KIF16B: variants seen among roughly 807,000 people sequenced by gnomAD.
KIF16B encodes the protein kinesin-like protein KIF16B.
KIF16B carries 98 observed loss-of-function variants against 156.3 expected under a neutral mutation model. That is an observed-to-expected ratio of 0.63 (90% CI 0.53 to 0.74). The LOEUF is 0.74. Ranked by LOEUF, KIF16B falls within the 30% of genes least tolerant of loss-of-function variation. The pLI, the probability that KIF16B is intolerant of heterozygous loss-of-function variation, is 0.00. For missense variants in KIF16B, 1,421 were observed against 1,606.5 expected (o/e 0.88, Z 1.97); for synonymous variants, 564 against 583.7 (o/e 0.97, Z 0.49).
At chr20:16,352,735 C>T (rs1042509755) in intron 23 of KIF16B, among the ~76,000 whole-genome samples, 5 of 152,206 alleles carry the variant, frequency 3.3e-5, no homozygotes, top group Non-Finnish European at 7.3e-5. Flanking sequence ...GGAAGCAGAG[C>T]GGGTGAGGAG....
chr20:16,288,072 G>A (rs1348925646), intron 25 of KIF16B, among the ~76,000 whole-genome samples: 1 of 152,182 alleles, frequency 6.6e-6, no homozygotes, highest in African/African-American at 2.4e-5. Context: ...CAATATAGAT[G>A]CCATTAGGAC....
At chr20:16,322,752 T>C (rs1002946057) in intron 24 of KIF16B, among the ~76,000 whole-genome samples, 1 of 152,028 alleles carries the variant, frequency 6.6e-6, no homozygotes, top group Non-Finnish European at 1.5e-5. Flanking sequence ...GGTCAGCCAG[T>C]CTGCTGCCAT....
intron 12 of KIF16B, among the ~76,000 whole-genome samples, chr20:16,454,593 C>CTT (rs2067167464): frequency 1.3e-5 from 2 of 151,928 alleles, no homozygotes; most frequent in Admixed American, 1.3e-4. Context: ...GCATCAGTAA[C>CTT]ATTGTAACTA....
At chr20:16,499,208 A>C (rs1600551359) in intron 10 of KIF16B, among the ~76,000 whole-genome samples, 1 of 152,192 alleles carries the variant, frequency 6.6e-6, no homozygotes, top group Admixed American at 6.5e-5. Context: ...AAAAATGCCA[A>C]AGGCACATCC....
chr20:16,491,242 G>A (rs2068280738), intron 12 of KIF16B, among the ~76,000 whole-genome samples: 1 of 152,180 alleles, frequency 6.6e-6, no homozygotes, highest in Non-Finnish European at 1.5e-5. Context: ...CCAACCAGCA[G>A]CAGGGCCTCT....
At chr20:16,347,245 T>C (rs1179660888) in intron 23 of KIF16B, among the ~76,000 whole-genome samples, 1 of 152,196 alleles carries the variant, frequency 6.6e-6, no homozygotes, top group Non-Finnish European at 1.5e-5. Context: ...GGGTAGCAAC[T>C]GCAAAAGGGA....
At chr20:16,315,701 G>T (rs2063687663) in intron 24 of KIF16B, among the ~76,000 whole-genome samples, 1 of 152,104 alleles carries the variant, frequency 6.6e-6, no homozygotes, top group Non-Finnish European at 1.5e-5. Context: ...CTCCCCAGAA[G>T]TCCATTCCAG....
intron 12 of KIF16B, among the ~76,000 whole-genome samples, chr20:16,460,247 G>GGAT (rs1256562205): frequency 6.6e-6 from 1 of 152,146 alleles, no homozygotes; most frequent in Non-Finnish European, 1.5e-5. Flanking sequence ...TTGAGAATTT[G>GGAT]GATGAAAAAT....
chr20:16,475,561 C>T (rs75887493), intron 12 of KIF16B, among the ~76,000 whole-genome samples: 3,593 of 152,238 alleles, frequency 0.024, 98 homozygotes, highest in South Asian at 0.081. Context: ...ACAGATCAGC[C>T]GGGAACCAAC....
intron 22 of KIF16B, chr20:16,368,123 A>C: frequency 8.2e-7 from 1 of 1,222,856 alleles, no homozygotes; most frequent in Non-Finnish European, 1.0e-6. Flanking sequence ...GGTAGAGAAC[A>C]AGTCACATGC....
At chr20:16,357,332 C>A (rs2064463340) in intron 22 of KIF16B, among the ~76,000 whole-genome samples, 1 of 152,138 alleles carries the variant, frequency 6.6e-6, no homozygotes, top group Non-Finnish European at 1.5e-5. Context: ...GAGGTATTAA[C>A]CATTATTCAC....
At chr20:16,536,352 G>C (rs758722617) in intron 1 of KIF16B, among the ~76,000 whole-genome samples, 2 of 152,056 alleles carry the variant, frequency 1.3e-5, no homozygotes, top group African/African-American at 4.8e-5. Context: ...GTACGGGGGT[G>C]GGGGGAGTGA....
Position 16,304,636 on chromosome 20 carries a change from A to C in KIF16B, c.3795+7699T>G, listed in dbSNP as rs902872453. Among the ~76,000 whole-genome samples the C allele has an allele frequency of 2.0e-5, 3 of 152,236 alleles. No homozygotes were observed. In the East Asian group the frequency reaches 5.8e-4, roughly 29 times the overall value. ...CCTATGAGGTATTTATTTAATCTCT[A>C]TGTTTGATAATGGTTCTATTATTAT... is the stretch of plus-strand genomic sequence containing the variant. On this transcript the variant is annotated intron_variant, in intron 25 of 25. Transcript: ENST00000354981.
chr20:16,390,050 T>G (rs2146153447), intron 17 of KIF16B, among the ~76,000 whole-genome samples: 1 of 152,296 alleles, frequency 6.6e-6, no homozygotes, highest in South Asian at 2.1e-4. Flanking sequence ...GGGGGTGGGA[T>G]ACAAGAAGTC....
intron 12 of KIF16B, among the ~76,000 whole-genome samples, chr20:16,487,585 T>C (rs750198703): frequency 6.6e-6 from 1 of 152,186 alleles, no homozygotes; most frequent in Non-Finnish European, 1.5e-5. Flanking sequence ...GATTCTATTA[T>C]AAAACAGATA....
chr20:16,433,568 C>G (rs1343739648), intron 12 of KIF16B, among the ~76,000 whole-genome samples: 3 of 144,368 alleles, frequency 2.1e-5, no homozygotes, highest in Non-Finnish European at 4.5e-5. Flanking sequence ...TCCCACCCAT[C>G]CCCAGCATGT....
chr20:16,416,940 TG>T (rs1405385001), intron 15 of KIF16B, among the ~76,000 whole-genome samples: 1 of 151,978 alleles, frequency 6.6e-6, no homozygotes, highest in Non-Finnish European at 1.5e-5. Context: ...GCAGCAACAG[TG>T]GGCCCATGAG....
intron 1 of KIF16B, among the ~76,000 whole-genome samples, chr20:16,547,256 T>C (rs1005385035): frequency 3.9e-5 from 6 of 152,210 alleles, no homozygotes; most frequent in African/African-American, 7.2e-5. Context: ...AGAGCCACCA[T>C]GGCCAGAGGC....
rs2063004908 is a variant in KIF16B, at chr20:16,273,069, G to C, written c.*184C>G. The stretch of plus-strand genomic sequence containing the variant: ...CCTGTCAGGGCCACATCAGCAGGCA[G>C]AGCATCCCATCCCCAAACTCAGGCA... On this transcript the variant is annotated 3_prime_UTR_variant, in exon 26 of 26. Coordinates refer to ENST00000354981, the MANE Select transcript of KIF16B (RefSeq NM_024704.5). The C allele has an allele frequency of 3.3e-6, 2 of 604,792 alleles. No individual in the cohort carries two copies. Among genetic ancestry groups the C allele is most frequent in the African/African-American group, 3.7e-5 (2 of 54,056 alleles). 37.5% of individuals were successfully genotyped at this position (604,792 alleles called of 1,614,324 possible).
Sources: gnomAD v4.1 joint callset for allele counts (sites outside exome capture counted in the v4.1 genomes callset) on GRCh38, gnomAD v4.1.1 for gene constraint, MANE v1.5 for transcripts, NCBI Gene and HGNC (gene_info 2026-07-23, HGNC 2026-07-21) for gene names.